Variants in DEK observed in about 807,000 individuals in gnomAD.
DEK encodes DEK proto-oncogene.
In DEK, 28 loss-of-function variants were observed where a neutral mutation model predicts 46.8. That is an observed-to-expected ratio of 0.60 (90% CI 0.44 to 0.82). The LOEUF (loss-of-function observed/expected upper bound fraction) is 0.82, where lower values mean the gene tolerates loss of function less well. Among genes scored for constraint, DEK ranks in the 40% least tolerant of loss-of-function variants. The pLI is 0.00. For synonymous variants in DEK, 160 were observed against 144.5 expected (o/e 1.11, Z -0.77); for missense variants, 416 against 430.6 (o/e 0.97, Z 0.30).
At position 18,258,223 on chromosome 6, in the gene DEK, C is replaced by T. The variant is rs554504384; in HGVS notation, c.247+81G>A. On this transcript the variant is annotated intron_variant, in intron 3 of 10. Coordinates refer to ENST00000652689, the MANE Select transcript of DEK (RefSeq NM_003472.4). Reference sequence around the variant, plus strand: ...ACCAAAAGTATAAAACACTACCTTGCTGATACTAAGCTACAAACCATCATT... The same window carrying T: ...ACCAAAAGTATAAAACACTACCTTGTTGATACTAAGCTACAAACCATCATT... 8.1e-5 allele frequency: 102 copies of T among 1,254,172 alleles called. 1 individual carries two copies. The highest frequency in any genetic ancestry group is 1.1e-4 in the Non-Finnish European group (97 of 876,248). The allele number at this position is 1,254,172 out of a possible 1,614,324, so 77.7% of individuals were successfully genotyped here.
At chr6:18,237,293 G>T in intron 8 of DEK, 88 bp downstream of exon 8, 1 of 1,430,556 alleles carries the variant, frequency 7.0e-7, no homozygotes, top group Non-Finnish European at 9.2e-7. Flanking sequence ...CAGTTTACCT[G>T]TTTCTCCCAC....
chr6:18,238,374 A>G (rs1178357327), intron 7 of DEK, among the ~76,000 whole-genome samples: 1 of 152,146 alleles, frequency 6.6e-6, no homozygotes, highest in Non-Finnish European at 1.5e-5. Flanking sequence ...ATAGGTGATT[A>G]GACACAAACA....
chr6:18,264,246 G>A (rs1483003507), intron 1 of DEK, 139 bp downstream of exon 1: 7 of 266,132 alleles, frequency 2.6e-5, no homozygotes, highest in East Asian at 1.4e-4. Context: ...CCCGGCCTGC[G>A]CTGTTCCCGG....
chr6:18,262,686 C>CA (rs1021852997), intron 2 of DEK, among the ~76,000 whole-genome samples: 5 of 152,112 alleles, frequency 3.3e-5, no homozygotes, highest in Non-Finnish European at 7.4e-5. Flanking sequence ...AAAATACAAA[C>CA]AAAAAATTGG....
At chr6:18,235,520 C>T (rs1582262123) in intron 9 of DEK, among the ~76,000 whole-genome samples, 1 of 152,298 alleles carries the variant, frequency 6.6e-6, no homozygotes, top group East Asian at 1.9e-4. Context: ...CACTGCAGTA[C>T]CTTCCATATT....
At chr6:18,229,976 G>A (rs766757016) in intron 9 of DEK, among the ~76,000 whole-genome samples, 1 of 152,210 alleles carries the variant, frequency 6.6e-6, no homozygotes, top group South Asian at 2.1e-4. Flanking sequence ...GGCAGCCAGA[G>A]AGAAAGGTCG....
intron 9 of DEK, among the ~76,000 whole-genome samples, chr6:18,235,904 T>C (rs999141149): frequency 2.2e-4 from 34 of 152,238 alleles, no homozygotes; most frequent in African/African-American, 8.2e-4. Flanking sequence ...ATTTCACTTT[T>C]GGTACATTCC....
chr6:18,261,194 T>C (rs114945853), intron 2 of DEK, among the ~76,000 whole-genome samples: 68 of 152,180 alleles, frequency 4.5e-4, no homozygotes, highest in African/African-American at 1.6e-3. Flanking sequence ...CCCTCACCCC[T>C]TGCACCAGCG....
intron 9 of DEK, among the ~76,000 whole-genome samples, chr6:18,228,019 TCA>T (rs1191605406): frequency 1.3e-5 from 2 of 152,186 alleles, no homozygotes; most frequent in African/African-American, 4.8e-5. Flanking sequence ...GTCAATTTTC[TCA>T]GTCCTGTTAT....
chr6:18,229,364 G>C (rs935731933), intron 9 of DEK, among the ~76,000 whole-genome samples: 3 of 152,314 alleles, frequency 2.0e-5, no homozygotes, highest in Admixed American at 1.3e-4. Flanking sequence ...GCCAGCAATG[G>C]AACAAAGCTG....
chr6:18,231,841 G>A (rs1455896171), intron 9 of DEK, among the ~76,000 whole-genome samples: 1 of 152,124 alleles, frequency 6.6e-6, no homozygotes, highest in Non-Finnish European at 1.5e-5. Context: ...AGAAAAAGAG[G>A]GAATCCTCCG....
intron 9 of DEK, among the ~76,000 whole-genome samples, chr6:18,232,122 T>C (rs1790439460): frequency 6.6e-6 from 1 of 152,170 alleles, no homozygotes; most frequent in Non-Finnish European, 1.5e-5. Flanking sequence ...ACCACAAGAT[T>C]ATCTCAATAG....
rs527646121 is a variant in DEK at position 18,240,204 on chromosome 6, C to T, written c.763-2688G>A. ...AACATTTATAATAATAAATAACAAG[C>T]CATCTCCATAAAATCTTACTTCTGT... On this transcript the variant is annotated intron_variant, in intron 7 of 10. Transcript: ENST00000652689. 3.9e-5 allele frequency among the ~76,000 whole-genome samples: 6 copies of T among 152,306 alleles called. No individual in the cohort carries two copies. In the South Asian group the frequency reaches 1.2e-3, roughly 32 times the overall value.
At chr6:18,245,558 A>G (rs1263325045) in intron 7 of DEK, among the ~76,000 whole-genome samples, 1 of 151,316 alleles carries the variant, frequency 6.6e-6, no homozygotes, top group Admixed American at 6.6e-5. Flanking sequence ...GAAAATAAAA[A>G]TTGAAGACAG....
intron 7 of DEK, among the ~76,000 whole-genome samples, chr6:18,243,092 A>G (rs1278664930): frequency 6.6e-6 from 1 of 152,232 alleles, no homozygotes; most frequent in Admixed American, 6.5e-5. Context: ...TACTCCGTTC[A>G]GGTAAGAGGT....
chr6:18,257,388 T>A (rs1446461846), intron 4 of DEK, among the ~76,000 whole-genome samples: 1 of 152,138 alleles, frequency 6.6e-6, no homozygotes, highest in East Asian at 1.9e-4. Flanking sequence ...AATTTGAAAT[T>A]TCAGTTTGGA....
chr6:18,243,012 T>C (rs1162689607), intron 7 of DEK, among the ~76,000 whole-genome samples: 1 of 152,208 alleles, frequency 6.6e-6, no homozygotes, highest in Non-Finnish European at 1.5e-5. Flanking sequence ...AACAGAAACA[T>C]GTCCCAAATG....
Position 18,263,874 on chromosome 6 carries a change from CTCG to C in DEK, c.111_113del (p.Asp37del). 1 of 1,612,780 alleles carries C rather than the reference CTCG, an allele frequency of 6.2e-7. No homozygotes were observed. Among genetic ancestry groups the C allele is most frequent in the Non-Finnish European group, 8.5e-7 (1 of 1,179,392 alleles). ...CCTCCTCCTCCTCCTCCTCGTCGTC[CTCG>C]TCCTCTTCCTCCTCGCTCTCCTCTC... On this transcript the variant is annotated inframe_deletion, in exon 2 of 11. Transcript: ENST00000652689.
rs910710791 is a variant in DEK at position 18,224,364 on chromosome 6, A to G, written c.*1355T>C. 6 of 186,834 alleles carry G rather than the reference A, an allele frequency of 3.2e-5. No homozygotes were observed. Among genetic ancestry groups the G allele is most frequent in the African/African-American group, 1.2e-4 (5 of 42,736 alleles). 11.6% of individuals were successfully genotyped at this position (186,834 alleles called of 1,614,324 possible). On this transcript the variant is annotated 3_prime_UTR_variant, in exon 11 of 11. Transcript: ENST00000652689. The stretch of plus-strand genomic sequence containing the variant: ...GTTAACATTCAACATATATTTTTAT[A>G]TATTTCTGTTCTATGATGCAAAGAT...
Sources: gnomAD v4.1 joint callset for allele counts (sites outside exome capture counted in the v4.1 genomes callset) on GRCh38, gnomAD v4.1.1 for gene constraint, MANE v1.5 for transcripts, NCBI Gene and HGNC (gene_info 2026-07-23, HGNC 2026-07-21) for gene names.